Variants in DDX10 observed in about 807,000 individuals in gnomAD.
The protein encoded by DDX10 is DEAD-box helicase 10.
Under a neutral mutation model 104.3 loss-of-function variants are expected in DDX10, and 74 were observed. That is an observed-to-expected ratio of 0.71 (90% CI 0.59 to 0.86). The LOEUF (loss-of-function observed/expected upper bound fraction) is 0.86. Among genes scored for constraint, DDX10 ranks in the 40% least tolerant of loss-of-function variants. The pLI, the probability that DDX10 is intolerant of heterozygous loss-of-function variation, is 0.00. For synonymous variants in DDX10, 351 were observed against 353.4 expected (o/e 0.99, Z 0.08); for missense variants, 952 against 1,040.0 (o/e 0.92, Z 1.16).
At chr11:108,876,381 A>G (rs1319322456) in intron 16 of DDX10, among the ~76,000 whole-genome samples, 3 of 152,184 alleles carry the variant, frequency 2.0e-5, no homozygotes, top group Non-Finnish European at 4.4e-5. Context: ...TGTACCAGGA[A>G]AAACCTCAGA....
chr11:108,821,133 TA>T (rs1862320807), intron 13 of DDX10, among the ~76,000 whole-genome samples: 1 of 152,174 alleles, frequency 6.6e-6, no homozygotes, highest in African/African-American at 2.4e-5. Flanking sequence ...AAGAAGATTT[TA>T]AAACTACAAG....
chr11:108,735,461 A>G (rs6589030), intron 13 of DDX10, among the ~76,000 whole-genome samples: 7,957 of 152,170 alleles, frequency 0.052, 693 homozygotes, highest in African/African-American at 0.18. Context: ...GGTGGGTGGC[A>G]TGCTGCAATT....
At chr11:108,854,069 A>G (rs1862832483) in intron 16 of DDX10, among the ~76,000 whole-genome samples, 1 of 152,236 alleles carries the variant, frequency 6.6e-6, no homozygotes, top group African/African-American at 2.4e-5. Context: ...GTCTGCAGCC[A>G]GGACTCAAAC....
At chr11:108,935,450 G>A (rs1864024740) in intron 17 of DDX10, among the ~76,000 whole-genome samples, 1 of 152,086 alleles carries the variant, frequency 6.6e-6, no homozygotes, top group African/African-American at 2.4e-5. Flanking sequence ...TATGAAAAAG[G>A]CAAGACCAAG....
At chr11:108,725,568 A>G (rs2094304408) in intron 13 of DDX10, among the ~76,000 whole-genome samples, 2 of 152,100 alleles carry the variant, frequency 1.3e-5, no homozygotes, top group South Asian at 2.1e-4. Context: ...ATGACTGAAC[A>G]TCTCTACATG....
intron 5 of DDX10, 42 bp from the exon 6 acceptor site, chr11:108,679,329 T>C (rs2094231186): frequency 6.7e-7 from 1 of 1,502,508 alleles, no homozygotes; most frequent in Admixed American, 2.2e-5. Context: ...GCCTAATGTA[T>C]ATTTTACATA....
intron 9 of DDX10, among the ~76,000 whole-genome samples, chr11:108,704,154 A>G (rs1340015997): frequency 6.6e-6 from 1 of 152,168 alleles, no homozygotes; most frequent in East Asian, 1.9e-4. Flanking sequence ...AGGTGTGACT[A>G]GCCTTATTAT....
chr11:108,691,984 G>T lies in DDX10; in HGVS notation c.1084G>T (p.Val362Phe). The T allele has an allele frequency of 6.2e-7, 1 of 1,614,086 alleles. No individual in the cohort carries two copies. Residue 362 changes from valine (V) to phenylalanine (F), a missense_variant, in exon 8 of 18, where the codon GTC becomes TTC. Val to Phe is a conservative substitution (Grantham distance 50, BLOSUM62 -1). Coordinates refer to ENST00000322536, the MANE Select transcript of DDX10 (RefSeq NM_004398.4). ...AAGAATGGAAGTCTATAATGAGTTT[G>T]TCCGTAAGAGAGCTGCAGTACTCTT... is the stretch of plus-strand genomic sequence containing the variant. The part of the protein sequence containing the change: ...MRRMEVYNEF[V>F]RKRAAVLFAT...
At chr11:108,913,167 G>C (rs1315104423) in intron 16 of DDX10, among the ~76,000 whole-genome samples, 1 of 152,170 alleles carries the variant, frequency 6.6e-6, no homozygotes, top group Non-Finnish European at 1.5e-5. Context: ...CTGAGGACAT[G>C]CGCCCAAGGT....
chr11:108,926,299 T>C (rs1458748214), intron 17 of DDX10, among the ~76,000 whole-genome samples: 2 of 51,790 alleles, frequency 3.9e-5, no homozygotes, highest in Admixed American at 2.8e-4. Context: ...GACACTCCCA[T>C]GCAGTTAACT....
At chr11:108,705,820 T>C (rs887329211) in intron 9 of DDX10, among the ~76,000 whole-genome samples, 1 of 152,194 alleles carries the variant, frequency 6.6e-6, no homozygotes, top group African/African-American at 2.4e-5. Flanking sequence ...AAAATCTGTA[T>C]GCAAGTAGCA....
chr11:108,774,174 G>C (rs574895606), intron 13 of DDX10, among the ~76,000 whole-genome samples: 47 of 152,256 alleles, frequency 3.1e-4, no homozygotes, highest in Non-Finnish European at 6.3e-4. Context: ...AATTGTTGCT[G>C]TATTCTGTAT....
intron 6 of DDX10, among the ~76,000 whole-genome samples, chr11:108,688,041 A>G (rs2094247062): frequency 6.6e-6 from 1 of 152,174 alleles, no homozygotes; most frequent in African/African-American, 2.4e-5. Flanking sequence ...CAATATATGG[A>G]TAGAATCTTC....
chr11:108,875,802 C>T (rs998006715), intron 16 of DDX10, among the ~76,000 whole-genome samples: 3 of 152,046 alleles, frequency 2.0e-5, no homozygotes, highest in African/African-American at 4.8e-5. Context: ...AGGTGGTTAC[C>T]GTTGCACTAG....
chr11:108,873,731 G>A (rs540608408), intron 16 of DDX10, among the ~76,000 whole-genome samples: 1 of 152,250 alleles, frequency 6.6e-6, no homozygotes, highest in Admixed American at 6.5e-5. Context: ...TGACATACAT[G>A]TACACTGTCT....
At chr11:108,891,137 G>A (rs1863370845) in intron 16 of DDX10, among the ~76,000 whole-genome samples, 1 of 152,198 alleles carries the variant, frequency 6.6e-6, no homozygotes, top group Admixed American at 6.5e-5. Flanking sequence ...GTGCAGCAAT[G>A]TGGGGTCTTC....
At chr11:108,849,892 C>T (rs529759810) in intron 15 of DDX10, among the ~76,000 whole-genome samples, 28 of 151,972 alleles carry the variant, frequency 1.8e-4, no homozygotes, top group Middle Eastern at 3.4e-3. Flanking sequence ...TGTCATAAAC[C>T]GTCTTTAGAA....
rs527424662 is a variant in DDX10 at position 108,777,286 on chromosome 11, G to A, written c.1965+53824G>A. 7.2e-5 allele frequency among the ~76,000 whole-genome samples: 11 copies of A among 152,150 alleles called. No homozygotes were observed. In the East Asian group the frequency reaches 7.7e-4, roughly 11 times the overall value. ...ACTGGAGCTAGAACTCAGTCTCCAC[G>A]TAATTTGAGGGTTCTTTTTTCTTTT... is the stretch of plus-strand genomic sequence containing the variant. On this transcript the variant is annotated intron_variant, in intron 13 of 17. Coordinates refer to ENST00000322536, the MANE Select transcript of DDX10 (RefSeq NM_004398.4).
At chr11:108,736,171 T>A (rs368131580) in intron 13 of DDX10, among the ~76,000 whole-genome samples, 1 of 139,882 alleles carries the variant, frequency 7.1e-6, no homozygotes, top group Non-Finnish European at 1.6e-5. Flanking sequence ...TTTTTTTTTT[T>A]AACCTTTTTG....
Sources: gnomAD v4.1 joint callset for allele counts (sites outside exome capture counted in the v4.1 genomes callset) on GRCh38, gnomAD v4.1.1 for gene constraint, MANE v1.5 for transcripts, NCBI Gene and HGNC (gene_info 2026-07-23, HGNC 2026-07-21) for gene names.